Variants in DNM3 observed in about 807,000 individuals in gnomAD.
The protein encoded by DNM3 is dynamin 3.
In DNM3, 47 loss-of-function variants were observed where a neutral mutation model predicts 101.6. That is an observed-to-expected ratio of 0.46 (90% CI 0.37 to 0.59). The LOEUF is 0.59. DNM3 is among the 20% of genes least tolerant of loss of function. The pLI is 0.00. For missense variants in DNM3, 849 were observed against 1,085.7 expected (o/e 0.78, Z 3.06); for synonymous variants, 385 against 387.9 (o/e 0.99, Z 0.09).
chr1:172,035,088 G>A (rs2048863585), intron 6 of DNM3, among the ~76,000 whole-genome samples: 1 of 152,096 alleles, frequency 6.6e-6, no homozygotes, highest in Non-Finnish European at 1.5e-5. Flanking sequence ...TAAAAAAAGG[G>A]GCGGGTTTGA....
At chr1:171,909,507 A>G (rs1168934822) in intron 1 of DNM3, among the ~76,000 whole-genome samples, 1 of 151,922 alleles carries the variant, frequency 6.6e-6, no homozygotes, top group African/African-American at 2.4e-5. Flanking sequence ...ATCAGAAGAC[A>G]CTCTTTAGTC....
At chr1:172,090,035 G>T (rs1367526707) in intron 12 of DNM3, among the ~76,000 whole-genome samples, 5 of 152,162 alleles carry the variant, frequency 3.3e-5, no homozygotes. Flanking sequence ...GATCTTTGCG[G>T]CTTTTGCTTT....
rs138366561 is a variant in DNM3 at position 172,108,172 on chromosome 1, T to TC, written c.1545+15299dup. On this transcript the variant is annotated intron_variant, in intron 13 of 20. Coordinates refer to ENST00000627582, the MANE Select transcript of DNM3 (RefSeq NM_015569.5). ...ATTCGAGAACAATCTTACTTTTTTT[T>TC]CCTCCTCAGATATGTATATGTCTTC... 5.8e-3 allele frequency among the ~76,000 whole-genome samples: 889 copies of TC among 152,278 alleles called. 10 individuals carry two copies. The highest frequency in any genetic ancestry group is 0.02 in the African/African-American group (841 of 41,548).
At chr1:171,921,271 G>A (rs139727284) in intron 1 of DNM3, among the ~76,000 whole-genome samples, 1 of 152,038 alleles carries the variant, frequency 6.6e-6, no homozygotes, top group African/African-American at 2.4e-5. Context: ...TTGGAGAAAA[G>A]TGTCAGTATA....
At chr1:172,081,506 C>T (rs1264515014) in intron 11 of DNM3, among the ~76,000 whole-genome samples, 1 of 152,154 alleles carries the variant, frequency 6.6e-6, no homozygotes, top group Non-Finnish European at 1.5e-5. Flanking sequence ...TGTGCTTGTC[C>T]TTCTTTTGAA....
chr1:172,244,356 G>T (rs1298893427), intron 14 of DNM3, among the ~76,000 whole-genome samples: 3 of 152,072 alleles, frequency 2.0e-5, no homozygotes, highest in Non-Finnish European at 2.9e-5. Flanking sequence ...TGACAAATGG[G>T]ATCTAATTAA....
chr1:171,919,713 A>G (rs1404538824), intron 1 of DNM3, among the ~76,000 whole-genome samples: 2 of 152,266 alleles, frequency 1.3e-5, no homozygotes, highest in African/African-American at 4.8e-5. Flanking sequence ...TAGCGCATGA[A>G]GAATATTAAA....
intron 20 of DNM3, among the ~76,000 whole-genome samples, chr1:172,403,307 C>G (rs1470813519): frequency 3.3e-5 from 5 of 152,090 alleles, no homozygotes; most frequent in African/African-American, 1.2e-4. Flanking sequence ...ATTATGCTAG[C>G]TGGAAGCAAG....
intron 14 of DNM3, among the ~76,000 whole-genome samples, chr1:172,179,852 A>G (rs2059282225): frequency 6.6e-6 from 1 of 152,024 alleles, no homozygotes; most frequent in Admixed American, 6.6e-5. Context: ...TTAAAAAACT[A>G]AGGCTCTGAG....
chr1:172,317,508 A>G (rs1182427629), intron 16 of DNM3, among the ~76,000 whole-genome samples: 6 of 152,114 alleles, frequency 3.9e-5, no homozygotes, highest in African/African-American at 1.2e-4. Context: ...TAATAAAGAA[A>G]AAAAGAGAGA....
At chr1:172,212,241 G>A (rs1386281342) in intron 14 of DNM3, among the ~76,000 whole-genome samples, 3 of 152,112 alleles carry the variant, frequency 2.0e-5, no homozygotes, top group Admixed American at 2.0e-4. Flanking sequence ...TGATTTTGTA[G>A]CAGTTTCCAT....
intron 2 of DNM3, among the ~76,000 whole-genome samples, chr1:171,958,573 C>T (rs2043009519): frequency 6.6e-6 from 1 of 152,092 alleles, no homozygotes; most frequent in Non-Finnish European, 1.5e-5. Context: ...AAAGGGAATC[C>T]ATCAAAGGTG....
chr1:172,215,496 A>T (rs995114750), intron 14 of DNM3, among the ~76,000 whole-genome samples: 2 of 152,030 alleles, frequency 1.3e-5, no homozygotes, highest in African/African-American at 4.8e-5. Flanking sequence ...AGTCTTTATT[A>T]TGTATGTATG....
At chr1:172,348,733 T>A (rs753162905) in intron 17 of DNM3, among the ~76,000 whole-genome samples, 40 of 152,338 alleles carry the variant, frequency 2.6e-4, no homozygotes, top group Middle Eastern at 6.8e-3. Context: ...TAGCATTTGT[T>A]AAATTCCTAA....
intron 14 of DNM3, among the ~76,000 whole-genome samples, chr1:172,146,138 C>G (rs986192336): frequency 2.0e-5 from 3 of 152,124 alleles, no homozygotes; most frequent in African/African-American, 7.2e-5. Flanking sequence ...AAAGAAAGTA[C>G]AGCCAAAGCA....
intron 13 of DNM3, among the ~76,000 whole-genome samples, chr1:172,116,967 A>G (rs1476454559): frequency 6.6e-6 from 1 of 152,014 alleles, no homozygotes. Flanking sequence ...TCACTTTGGG[A>G]GGCTGAGGTG....
intron 4 of DNM3, among the ~76,000 whole-genome samples, chr1:171,999,639 C>A (rs563785616): frequency 6.6e-6 from 1 of 152,136 alleles, no homozygotes; most frequent in South Asian, 2.1e-4. Context: ...TACTCTCCCC[C>A]ATCCCATACC....
rs547275037 is a variant in DNM3, at chr1:172,218,340, A to AT, written c.1660-35222dup. 4.8e-3 allele frequency among the ~76,000 whole-genome samples: 720 copies of AT among 149,050 alleles called. 1 individual carries two copies. The highest frequency in any genetic ancestry group is 0.015 in the African/African-American group (631 of 40,720). Reference sequence around the variant, plus strand: ...TTGGGTTTGGATTATGTACATGAAGATTTTTTTTTTTAAAGTGAAAGAATT... The same window carrying AT: ...TTGGGTTTGGATTATGTACATGAAGATTTTTTTTTTTTAAAGTGAAAGAATT... On this transcript the variant is annotated intron_variant, in intron 14 of 20. Transcript: ENST00000627582.
At chr1:172,091,793 GT>G (rs2053927970) in intron 12 of DNM3, among the ~76,000 whole-genome samples, 1 of 152,184 alleles carries the variant, frequency 6.6e-6, no homozygotes, top group South Asian at 2.1e-4. Flanking sequence ...TCACTCTGGT[GT>G]CTGTTAAGAA....
Sources: allele counts gnomAD v4.1 joint callset (sites outside exome capture counted in the v4.1 genomes callset), GRCh38; gene constraint gnomAD v4.1.1; transcripts MANE v1.5; gene names NCBI Gene and HGNC (gene_info 2026-07-23, HGNC 2026-07-21).